RPGRIP1: variants seen among roughly 807,000 people sequenced by gnomAD.
The protein encoded by RPGRIP1 is X-linked retinitis pigmentosa GTPase regulator-interacting protein 1.
Under a neutral mutation model 157.9 loss-of-function variants are expected in RPGRIP1, and 128 were observed. The observed-to-expected ratio is 0.81, with a 90% CI of 0.70 to 0.94. The LOEUF (loss-of-function observed/expected upper bound fraction) is 0.94, where lower values mean the gene tolerates loss of function less well. Ranked by LOEUF, RPGRIP1 falls within the 40% of genes least tolerant of loss-of-function variation. The pLI is 0.00. For synonymous variants in RPGRIP1, 554 were observed against 571.6 expected, an observed-to-expected ratio of 0.97 and a Z score of 0.44; for missense variants, 1,486 against 1,545.8, an observed-to-expected ratio of 0.96 and a Z score of 0.65.
At chr14:21,288,121 C>A in intron 2 of RPGRIP1, 60 bp downstream of exon 2, 2 of 1,053,256 alleles carry the variant, frequency 1.9e-6, no homozygotes, top group Non-Finnish European at 1.5e-6. Context: ...CACTGTGGAA[C>A]ATCTTGCTGG....
chr14:21,311,860 C>T lies in RPGRIP1; in HGVS notation c.967C>T (p.Leu323Phe). The T allele has an allele frequency of 6.2e-7, 1 of 1,610,712 alleles. No homozygotes were observed. Among genetic ancestry groups the T allele is most frequent in the Non-Finnish European group, 8.5e-7 (1 of 1,178,698 alleles). The change falls in exon 9 of 25, where the codon CTC becomes TTC. Residue 323 changes from leucine (L) to phenylalanine (F), a missense_variant. Leu to Phe is a conservative substitution (Grantham distance 22). Transcript: ENST00000400017. ...CCTGAGTGCAGCCCATGAGGCCCTC[C>T]TCAAGCAAGTGAATGAGCTCAGGGC... ...GILSAAHEAL[L>F]KQVNELRAEL...
chr14:21,307,383 G>A (rs866367213), intron 6 of RPGRIP1, among the ~76,000 whole-genome samples: 44 of 152,340 alleles, frequency 2.9e-4, no homozygotes, highest in Admixed American at 1.0e-3. Context: ...TTTCTAGCAC[G>A]TTCAAACCTC....
intron 14 of RPGRIP1, chr14:21,324,292 A>C (rs1882811965): frequency 7.8e-6 from 3 of 385,548 alleles, no homozygotes; most frequent in Non-Finnish European, 1.5e-5. Flanking sequence ...TGGAATTACC[A>C]GTTAATCATA....
Position 21,334,590 on chromosome 14 carries a change from C to A in RPGRIP1, c.3239-15C>A. ...CTTTGAAACAGTTCTATAACTGCAA[C>A]CTCTTCTCTAGCAGACAAAGAATCC... On this transcript the variant is annotated splice_polypyrimidine_tract_variant and intron_variant, in intron 20 of 24. Coordinates refer to ENST00000400017, the MANE Select transcript of RPGRIP1 (RefSeq NM_020366.4). 6.3e-7 allele frequency: 1 copy of A among 1,577,138 alleles called. No individual in the cohort carries two copies. Among genetic ancestry groups the A allele is most frequent in the Non-Finnish European group, 8.6e-7 (1 of 1,156,194 alleles).
intron 1 of RPGRIP1, among the ~76,000 whole-genome samples, chr14:21,281,688 CAAAA>C (rs1282350183): frequency 8.1e-4 from 64 of 79,278 alleles, no homozygotes; most frequent in South Asian, 3.6e-3. Flanking sequence ...GACCTTGTCT[CAAAA>C]AAAAAAAAAA....
At chr14:21,318,959 AT>A (rs973502730) in intron 11 of RPGRIP1, among the ~76,000 whole-genome samples, 1 of 152,042 alleles carries the variant, frequency 6.6e-6, no homozygotes, top group Non-Finnish European at 1.5e-5. Flanking sequence ...TATTTGGAAC[AT>A]TTTTAAATAC....
Position 21,321,418 on chromosome 14 carries a change from G to A in RPGRIP1, c.1611+16G>A, listed in dbSNP as rs1222305394. The A allele has an allele frequency of 1.9e-6, 3 of 1,603,500 alleles. No individual in the cohort carries two copies. Among genetic ancestry groups the A allele is most frequent in the Non-Finnish European group, 2.6e-6 (3 of 1,175,022 alleles). On this transcript the variant is annotated intron_variant, in intron 13 of 24. Coordinates refer to ENST00000400017, the MANE Select transcript of RPGRIP1 (RefSeq NM_020366.4). Reference sequence around the variant, plus strand: ...GTGTTATCAGGTGCAAGGAAAGATGGTACAGGAAGGGGATGGATAACAGGA... The same window carrying A: ...GTGTTATCAGGTGCAAGGAAAGATGATACAGGAAGGGGATGGATAACAGGA...
chr14:21,312,217 A>G (rs949117333), intron 9 of RPGRIP1, among the ~76,000 whole-genome samples: 2 of 152,190 alleles, frequency 1.3e-5, no homozygotes, highest in African/African-American at 4.8e-5. Context: ...ACCCAGAAAC[A>G]GTGAAGACTT....
chr14:21,343,554 G>C (rs1227125937), intron 22 of RPGRIP1, among the ~76,000 whole-genome samples: 2 of 152,122 alleles, frequency 1.3e-5, no homozygotes, highest in South Asian at 4.1e-4. Context: ...GCAGTGGTGT[G>C]ATCTTGGCTC....
chr14:21,284,009 G>A (rs1486471779), intron 1 of RPGRIP1, among the ~76,000 whole-genome samples: 1 of 152,126 alleles, frequency 6.6e-6, no homozygotes, highest in Non-Finnish European at 1.5e-5. Flanking sequence ...TCTTAAAATA[G>A]GCATGCTATG....
intron 1 of RPGRIP1, among the ~76,000 whole-genome samples, chr14:21,281,074 G>A (rs1031596775): frequency 6.6e-6 from 1 of 150,896 alleles, no homozygotes; most frequent in African/African-American, 2.4e-5. Flanking sequence ...CTGGAGTGCA[G>A]TGGCTCAATC....
Position 21,343,111 on chromosome 14 carries a change from A to G in RPGRIP1, c.3415A>G (p.Ile1139Val), listed in dbSNP as rs374187449. 2 of 1,613,744 alleles carry G rather than the reference A, an allele frequency of 1.2e-6. No homozygotes were observed. Among genetic ancestry groups the G allele is most frequent in the Admixed American group, 1.7e-5 (1 of 60,010 alleles). The change falls in exon 22 of 25, where the codon ATA becomes GTA. Residue 1139 changes from isoleucine to valine, a missense_variant. By Grantham distance (29) the Ile-to-Val change is conservative. Coordinates refer to ENST00000400017, the MANE Select transcript of RPGRIP1 (RefSeq NM_020366.4). Reference sequence around the variant, plus strand: ...GGCAGAAGTGATGTCTGATGAGAACATAAAACAGGTGTATGTGGAGTACAA... The same window carrying G: ...GGCAGAAGTGATGTCTGATGAGAACGTAAAACAGGTGTATGTGGAGTACAA... ...PEAEVMSDENIKQVYVEYKFY... is the reference protein window; with the variant it reads ...PEAEVMSDENVKQVYVEYKFY...
chr14:21,291,000 CAAAA>C (rs34237756), intron 2 of RPGRIP1, among the ~76,000 whole-genome samples: 2 of 90,314 alleles, frequency 2.2e-5, no homozygotes. Flanking sequence ...GACTCCATCT[CAAAA>C]AAAAAAAAAA....
In RPGRIP1 at chr14:21,351,112, C is replaced by T; in HGVS notation, c.3757C>T (p.Pro1253Ser). The T allele has an allele frequency of 6.2e-7, 1 of 1,604,254 alleles. No individual in the cohort carries two copies. Residue 1253 changes from proline (P) to serine (S), a missense_variant, in exon 25 of 25, where the codon CCT becomes TCT. Transcript: ENST00000400017. The stretch of plus-strand genomic sequence containing the variant: ...TTTCCCTTTCCCAACAGTTGTTAGC[C>T]CTGAAGATCTGGCTACCCCAATAGG... ...ILEQELDIVS[P>S]EDLATPIGRL... is the part of the protein sequence containing the mutation.
intron 24 of RPGRIP1, among the ~76,000 whole-genome samples, chr14:21,350,610 T>G (rs1886151609): frequency 6.6e-6 from 1 of 152,228 alleles, no homozygotes; most frequent in South Asian, 2.1e-4. Flanking sequence ...CCTTAGTCTT[T>G]TTCCTCATCT....
At chr14:21,291,414 G>C (rs1880523085) in intron 2 of RPGRIP1, among the ~76,000 whole-genome samples, 1 of 151,914 alleles carries the variant, frequency 6.6e-6, no homozygotes, top group Admixed American at 6.6e-5. Flanking sequence ...TATCCAAAAA[G>C]CTAAAAGAAT....
intron 6 of RPGRIP1, among the ~76,000 whole-genome samples, chr14:21,304,782 G>A (rs1474341110): frequency 1.3e-5 from 2 of 151,734 alleles, no homozygotes; most frequent in African/African-American, 4.8e-5. Context: ...TTTACATTAG[G>A]GTTCATTCTT....
At chr14:21,332,335 A>G (rs894438085) in intron 20 of RPGRIP1, among the ~76,000 whole-genome samples, 5 of 152,154 alleles carry the variant, frequency 3.3e-5, no homozygotes, top group Admixed American at 6.6e-5. Context: ...TAATTTTTCT[A>G]TTGATTATGT....
rs1883604527 is a variant in RPGRIP1 at position 21,330,317 on chromosome 14, G to T, written c.3168G>T (p.Gln1056His). 1.9e-6 allele frequency: 3 copies of T among 1,581,828 alleles called. No individual in the cohort carries two copies. Among genetic ancestry groups the T allele is most frequent in the African/African-American group, 1.4e-5 (1 of 72,434 alleles). Residue 1056 changes from glutamine (Q) to histidine (H), a missense_variant, in exon 20 of 25, where the codon CAG becomes CAT. Physicochemically the swap from Gln to His is conservative, Grantham distance 24 (BLOSUM62 0). Coordinates refer to ENST00000400017, the MANE Select transcript of RPGRIP1 (RefSeq NM_020366.4). ...NSFIGDGFKN[Q>H]HEEEEMTLSH... is the part of the protein sequence containing the mutation. Reference sequence around the variant, plus strand: ...TCATAGGTGATGGCTTTAAAAATCAGCACGAGGAAGAGGAAATGACATTAT... The same window carrying T: ...TCATAGGTGATGGCTTTAAAAATCATCACGAGGAAGAGGAAATGACATTAT...
Sources: gnomAD v4.1 joint callset for allele counts (sites outside exome capture counted in the v4.1 genomes callset) on GRCh38, gnomAD v4.1.1 for gene constraint, MANE v1.5 for transcripts, NCBI Gene and HGNC (gene_info 2026-07-23, HGNC 2026-07-21) for gene names.